LARP1B: variants seen among roughly 807,000 people sequenced by gnomAD.
LARP1B encodes la-related protein 1B.
A neutral mutation model predicts 114.2 loss-of-function variants in LARP1B; 76 were observed. The observed-to-expected ratio is 0.67, with a 90% CI of 0.55 to 0.81. The LOEUF is 0.81. Among genes scored for constraint, LARP1B ranks in the 30% least tolerant of loss-of-function variants. The pLI, the probability that LARP1B is intolerant of heterozygous loss-of-function variation, is 0.00. For synonymous variants in LARP1B, 345 were observed against 348.0 expected (o/e 0.99, Z 0.10); for missense variants, 1,014 against 1,075.8 (o/e 0.94, Z 0.80).
At chr4:128,189,597 C>G (rs942222970) in intron 15 of LARP1B, among the ~76,000 whole-genome samples, 1 of 151,984 alleles carries the variant, frequency 6.6e-6, no homozygotes, top group Admixed American at 6.6e-5. Context: ...GTAACTCCTC[C>G]CTTACTTCCT....
At chr4:128,077,365 G>A (rs1431367315) in intron 3 of LARP1B, among the ~76,000 whole-genome samples, 1 of 151,970 alleles carries the variant, frequency 6.6e-6, no homozygotes, top group African/African-American at 2.4e-5. Context: ...GCCAGGTGTG[G>A]TGACATGTGC....
At chr4:128,122,261 A>G (rs1161978664) in intron 11 of LARP1B, 73 bp downstream of exon 11, 1 of 1,560,244 alleles carries the variant, frequency 6.4e-7, no homozygotes. Flanking sequence ...TATTTTCTCA[A>G]ACTTGAGGCT....
intron 1 of LARP1B, chr4:128,061,952 C>G (rs1258020400): frequency 7.1e-6 from 7 of 985,192 alleles, no homozygotes; most frequent in African/African-American, 1.7e-5. Context: ...GCCCCTGGCG[C>G]TGCACCTGGC....
At chr4:128,137,686 A>G (rs1725976239) in intron 11 of LARP1B, among the ~76,000 whole-genome samples, 1 of 151,668 alleles carries the variant, frequency 6.6e-6, no homozygotes, top group Non-Finnish European at 1.5e-5. Context: ...CTATCACCTC[A>G]AACATTTATC....
chr4:128,209,247 C>T (rs1007872182), intron 19 of LARP1B, among the ~76,000 whole-genome samples: 1 of 152,074 alleles, frequency 6.6e-6, no homozygotes, highest in Non-Finnish European at 1.5e-5. Flanking sequence ...GGTGAAACCC[C>T]GTCTCTACTA....
At chr4:128,066,277 C>T (rs1203300418) in intron 1 of LARP1B, among the ~76,000 whole-genome samples, 1 of 148,476 alleles carries the variant, frequency 6.7e-6, no homozygotes, top group African/African-American at 2.5e-5. Context: ...CCCGGGTTCA[C>T]ACTGTTCTCC....
chr4:128,197,539 C>CA (rs1406847235), intron 15 of LARP1B, among the ~76,000 whole-genome samples: 1 of 151,932 alleles, frequency 6.6e-6, no homozygotes, highest in African/African-American at 2.4e-5. Context: ...ACTAAAAATA[C>CA]AAAAATTAGT....
intron 11 of LARP1B, among the ~76,000 whole-genome samples, chr4:128,151,324 A>T (rs1732697067): frequency 6.6e-6 from 1 of 152,236 alleles, no homozygotes; most frequent in Non-Finnish European, 1.5e-5. Context: ...TAACATTGAT[A>T]GAATGCTATT....
chr4:128,109,797 GA>G (rs1397120299), intron 9 of LARP1B, among the ~76,000 whole-genome samples: 1 of 150,306 alleles, frequency 6.7e-6, no homozygotes, highest in Non-Finnish European at 1.5e-5. Context: ...CTTTTTTCAG[GA>G]AACCTTTTTA....
intron 11 of LARP1B, among the ~76,000 whole-genome samples, chr4:128,136,840 G>T (rs1039466533): frequency 6.6e-6 from 1 of 152,080 alleles, no homozygotes; most frequent in Non-Finnish European, 1.5e-5. Flanking sequence ...GGCCTCAAGA[G>T]ATTCTATGGC....
chr4:128,220,547 C>T (rs1759936137), intron 7 of LARP1B: 1 of 158,936 alleles, frequency 6.3e-6, no homozygotes, highest in Non-Finnish European at 1.3e-5. Flanking sequence ...TGTCTCACAA[C>T]TCGTTACGTG....
At position 128,092,912 on chromosome 4, in the gene LARP1B, A is replaced by G. The variant is rs1280551482; in HGVS notation, c.668+1400A>G. The G allele has an allele frequency of 9.1e-6, 9 of 985,442 alleles. No individual in the cohort carries two copies. In the South Asian group the frequency reaches 2.8e-4, roughly 31 times the overall value. The allele number at this position is 985,442 out of a possible 1,614,324, so 61.0% of individuals were successfully genotyped here. A position where few individuals can be genotyped will look rare whatever the true frequency, so the allele number is the denominator to read the frequency against. ...TCCCTTCTGAGACCTGACAGTGGAC[A>G]TGCAACTCCATGTCAGGATAATCGG... On this transcript the variant is annotated intron_variant, in intron 7 of 19. Transcript: ENST00000326639.
At chr4:128,183,217 G>A (rs1464962115) in intron 15 of LARP1B, among the ~76,000 whole-genome samples, 2 of 152,194 alleles carry the variant, frequency 1.3e-5, no homozygotes, top group Non-Finnish European at 2.9e-5. Context: ...AGACAAAACA[G>A]CCTTCTATTG....
chr4:128,161,131 A>C (rs959634999), intron 11 of LARP1B, among the ~76,000 whole-genome samples: 2 of 152,172 alleles, frequency 1.3e-5, no homozygotes, highest in African/African-American at 2.4e-5. Flanking sequence ...GAAATAGTGG[A>C]GTGTAAGCAG....
At chr4:128,115,650 A>G (rs1785529346) in intron 10 of LARP1B, among the ~76,000 whole-genome samples, 2 of 152,212 alleles carry the variant, frequency 1.3e-5, no homozygotes, top group Admixed American at 1.3e-4. Flanking sequence ...TATGAAGTTG[A>G]AAAAATATGA....
At chr4:128,172,721 T>C (rs1469100613) in intron 12 of LARP1B, among the ~76,000 whole-genome samples, 1 of 151,880 alleles carries the variant, frequency 6.6e-6, no homozygotes, top group Non-Finnish European at 1.5e-5. Flanking sequence ...AAATTAATAA[T>C]GTTTTCTTGT....
At chr4:128,108,098 T>A in intron 9 of LARP1B, 1 of 1,390,164 alleles carries the variant, frequency 7.2e-7, no homozygotes. Context: ...TTTGCGATAA[T>A]GAGAGACAGA....
chr4:128,219,873 G>A (rs1759864076), intron 6 of LARP1B, among the ~76,000 whole-genome samples: 2 of 151,856 alleles, frequency 1.3e-5, no homozygotes, highest in African/African-American at 4.8e-5. Flanking sequence ...TTTTAGCTTT[G>A]AAATACATTT....
chr4:128,112,937 A>T (rs140731748), intron 9 of LARP1B, among the ~76,000 whole-genome samples: 1 of 152,344 alleles, frequency 6.6e-6, no homozygotes, highest in East Asian at 1.9e-4. Flanking sequence ...ATCTATGTCT[A>T]GCATGTAGAT....
Sources: gnomAD v4.1 joint callset for allele counts (sites outside exome capture counted in the v4.1 genomes callset) on GRCh38, gnomAD v4.1.1 for gene constraint, MANE v1.5 for transcripts, NCBI Gene and HGNC (gene_info 2026-07-23, HGNC 2026-07-21) for gene names.